The following CADM2 variants were observed in gnomAD, a reference collection of about 807,000 sequenced individuals.
CADM2 encodes cell adhesion molecule 2, also known as immunoglobulin superfamily member 4D.
In CADM2, 12 loss-of-function variants were observed where a neutral mutation model predicts 49.8. That is an observed-to-expected ratio of 0.24 (90% CI 0.15 to 0.39). The LOEUF is 0.39. Among genes scored for constraint, CADM2 ranks in the 10% least tolerant of loss-of-function variants. The probability of loss-of-function intolerance (pLI) is 1.00; values close to 1 mark genes in which losing one functional copy is unlikely to be tolerated. For synonymous variants in CADM2, 214 were observed against 175.4 expected, an observed-to-expected ratio of 1.22 and a Z score of -1.74; for missense variants, 378 against 492.3, an observed-to-expected ratio of 0.77 and a Z score of 2.20.
intron 3 of CADM2, among the ~76,000 whole-genome samples, chr3:85,868,165 C>A (rs1312795513): frequency 6.6e-6 from 1 of 151,806 alleles, no homozygotes; most frequent in African/African-American, 2.4e-5. Flanking sequence ...TTCATCAATC[C>A]GTTAGATACA....
intron 5 of CADM2, among the ~76,000 whole-genome samples, chr3:85,901,080 C>G (rs887200647): frequency 1.3e-5 from 2 of 152,040 alleles, no homozygotes; most frequent in Non-Finnish European, 2.9e-5. Context: ...ACCTGTAATC[C>G]CAGCTACTGG....
At chr3:85,666,681 C>T (rs1050685392) in intron 1 of CADM2, among the ~76,000 whole-genome samples, 1 of 138,892 alleles carries the variant, frequency 7.2e-6, no homozygotes, top group African/African-American at 2.7e-5. Flanking sequence ...TCAGATTCTT[C>T]TTAGTATCTG....
intron 1 of CADM2, among the ~76,000 whole-genome samples, chr3:85,508,491 C>T (rs945253204): frequency 2.0e-5 from 3 of 152,250 alleles, no homozygotes; most frequent in Non-Finnish European, 4.4e-5. Flanking sequence ...CTTCCAGCTA[C>T]TTGGATGTTG....
Position 85,099,065 on chromosome 3 carries a change from G to A in CADM2, c.61+139397G>A, listed in dbSNP as rs879532280. Among the ~76,000 whole-genome samples, 4 of 152,052 alleles carry A rather than the reference G, an allele frequency of 2.6e-5. No homozygotes were observed. In the East Asian group the frequency reaches 7.7e-4, roughly 29 times the overall value. ...ATAAAACTCAGAAAGAACTTTGCTG[G>A]TATAGAACAGAGAATGTATACACCA... is the stretch of plus-strand genomic sequence containing the variant. On this transcript the variant is annotated intron_variant, in intron 1 of 9. Coordinates refer to ENST00000383699, the MANE Select transcript of CADM2 (RefSeq NM_001167675.2).
chr3:85,721,934 G>A (rs2067518077), intron 1 of CADM2, among the ~76,000 whole-genome samples: 1 of 152,210 alleles, frequency 6.6e-6, no homozygotes, highest in South Asian at 2.1e-4. Flanking sequence ...TGGAGGGTGA[G>A]CAAGTTGAGG....
At chr3:85,618,930 A>T (rs2063883106) in intron 1 of CADM2, among the ~76,000 whole-genome samples, 1 of 151,922 alleles carries the variant, frequency 6.6e-6, no homozygotes. Flanking sequence ...AATCCCAACT[A>T]CTCAGGAGGC....
chr3:85,602,058 AG>A (rs778268098), intron 1 of CADM2, among the ~76,000 whole-genome samples: 55 of 151,834 alleles, frequency 3.6e-4, no homozygotes, highest in Admixed American at 6.6e-4. Flanking sequence ...ACTTTCACTT[AG>A]AATTAAAAGC....
chr3:85,171,245 A>G (rs2040617408), intron 1 of CADM2, among the ~76,000 whole-genome samples: 1 of 152,206 alleles, frequency 6.6e-6, no homozygotes. Context: ...GTTACACTCT[A>G]GATTTCTGGA....
chr3:85,065,744 C>A (rs2036505729), intron 1 of CADM2, among the ~76,000 whole-genome samples: 1 of 152,072 alleles, frequency 6.6e-6, no homozygotes, highest in South Asian at 2.1e-4. Flanking sequence ...AAAATTCATT[C>A]TGGGCATCTT....
At chr3:85,514,217 TA>T (rs2060841048) in intron 1 of CADM2, among the ~76,000 whole-genome samples, 1 of 152,094 alleles carries the variant, frequency 6.6e-6, no homozygotes, top group African/African-American at 2.4e-5. Context: ...CATTGTATTT[TA>T]AACCTGCCAC....
chr3:85,082,269 T>C (rs1339242340), intron 1 of CADM2, among the ~76,000 whole-genome samples: 1 of 152,140 alleles, frequency 6.6e-6, no homozygotes, highest in East Asian at 1.9e-4. Context: ...ATCCAATAAA[T>C]TGATATGTAC....
intron 1 of CADM2, among the ~76,000 whole-genome samples, chr3:85,199,368 T>TGAGAGAG (rs1553694522): frequency 1.7e-5 from 2 of 115,186 alleles, no homozygotes; most frequent in African/African-American, 1.1e-4. Context: ...TGTGTGTGTG[T>TGAGAGAG]ATGAGAGAGA....
rs184326539 is a variant in CADM2 at position 85,491,652 on chromosome 3, A to T, written c.62-234870A>T. On this transcript the variant is annotated intron_variant, in intron 1 of 9. Transcript: ENST00000383699. ...TGGTCACACATCTACCCCTCTAGTC[A>T]CTTAAAAGTTTCTTCTGGGCCGGGC... Among the ~76,000 whole-genome samples, 1,328 of 152,118 alleles carry T rather than the reference A, an allele frequency of 8.7e-3. 17 individuals are homozygous for T. Among genetic ancestry groups the T allele is most frequent in the Non-Finnish European group, 0.015 (1,015 of 67,986 alleles).
intron 1 of CADM2, among the ~76,000 whole-genome samples, chr3:85,142,396 A>C (rs934987206): frequency 6.6e-6 from 1 of 152,214 alleles, no homozygotes; most frequent in Admixed American, 6.5e-5. Context: ...TTTACTAAGC[A>C]TGCTTTAGGT....
intron 1 of CADM2, among the ~76,000 whole-genome samples, chr3:85,144,620 A>AAG (rs2039679220): frequency 7.3e-6 from 1 of 136,364 alleles, no homozygotes. Context: ...TCAAAAAAAA[A>AAG]AAAGAAAGAA....
At chr3:85,466,830 C>G (rs772353209) in intron 1 of CADM2, among the ~76,000 whole-genome samples, 1 of 151,776 alleles carries the variant, frequency 6.6e-6, no homozygotes, top group Non-Finnish European at 1.5e-5. Context: ...TATTTTCAGA[C>G]AGTCTTGGAA....
intron 1 of CADM2, among the ~76,000 whole-genome samples, chr3:85,215,770 T>C (rs1374924032): frequency 6.6e-6 from 1 of 152,174 alleles, no homozygotes. Context: ...GATTCACCTC[T>C]GGCCAGGGCT....
intron 1 of CADM2, among the ~76,000 whole-genome samples, chr3:85,113,677 T>A (rs905278809): frequency 4.7e-5 from 7 of 149,352 alleles, no homozygotes; most frequent in Non-Finnish European, 8.9e-5. Context: ...TGCTTTTTTT[T>A]ATTCATTCGT....
chr3:85,041,181 A>G lies in CADM2; in HGVS notation c.61+81513A>G, dbSNP rs190176049. On this transcript the variant is annotated intron_variant, in intron 1 of 9. Coordinates refer to ENST00000383699, the MANE Select transcript of CADM2 (RefSeq NM_001167675.2). Reference sequence around the variant, plus strand: ...TTAAACTTATTGTGTAGTCTTGCCAAAGCAAATTGCTATATCTGATTTCAT... The same window carrying G: ...TTAAACTTATTGTGTAGTCTTGCCAGAGCAAATTGCTATATCTGATTTCAT... Among the ~76,000 whole-genome samples the G allele has an allele frequency of 6.0e-4, 91 of 152,198 alleles. No homozygotes were observed. The Middle Eastern group carries it at 0.017, about 28-fold the overall frequency.
Sources: allele counts gnomAD v4.1 joint callset (sites outside exome capture counted in the v4.1 genomes callset), GRCh38; gene constraint gnomAD v4.1.1; transcripts MANE v1.5; gene names NCBI Gene and HGNC (gene_info 2026-07-23, HGNC 2026-07-21).